DTNB: variants seen among roughly 807,000 people sequenced by gnomAD.
DTNB encodes DTN-B.
DTNB carries 63 observed loss-of-function variants against 90.7 expected under a neutral mutation model. The observed-to-expected ratio is 0.69, with a 90% CI of 0.57 to 0.86. The LOEUF (loss-of-function observed/expected upper bound fraction) is 0.86, where lower values mean the gene tolerates loss of function less well. Among genes scored for constraint, DTNB ranks in the 40% least tolerant of loss-of-function variants. The pLI, the probability that DTNB is intolerant of heterozygous loss-of-function variation, is 0.00. For missense variants in DTNB, 744 were observed against 807.1 expected (o/e 0.92, Z 0.95); for synonymous variants, 277 against 286.7 (o/e 0.97, Z 0.34).
chr2:25,667,466 C>A (rs1264374231), intron 1 of DTNB, among the ~76,000 whole-genome samples: 1 of 151,944 alleles, frequency 6.6e-6, no homozygotes, highest in African/African-American at 2.4e-5. Flanking sequence ...CTGTATTCCA[C>A]CCTAGGCGAC....
At chr2:25,579,045 T>C (rs2148174603) in intron 7 of DTNB, among the ~76,000 whole-genome samples, 1 of 152,084 alleles carries the variant, frequency 6.6e-6, no homozygotes, top group East Asian at 1.9e-4. Context: ...AAGAATGTAA[T>C]CAATAAATTA....
intron 15 of DTNB, among the ~76,000 whole-genome samples, chr2:25,426,288 G>A (rs912843602): frequency 6.6e-6 from 1 of 152,166 alleles, no homozygotes; most frequent in African/African-American, 2.4e-5. Context: ...ACTGAAAAAA[G>A]ATCTGCCTTC....
chr2:25,663,863 A>G (rs2083775527), intron 1 of DTNB, among the ~76,000 whole-genome samples: 1 of 152,210 alleles, frequency 6.6e-6, no homozygotes, highest in Non-Finnish European at 1.5e-5. Flanking sequence ...ATATCATTTC[A>G]GCCACTGTTA....
chr2:25,462,414 T>A (rs972046682), intron 10 of DTNB, among the ~76,000 whole-genome samples: 1 of 152,010 alleles, frequency 6.6e-6, no homozygotes, highest in African/African-American at 2.4e-5. Flanking sequence ...CTGGAGCCAA[T>A]GGTAACAATT....
intron 4 of DTNB, among the ~76,000 whole-genome samples, chr2:25,625,130 T>G (rs1286068629): frequency 6.6e-6 from 1 of 152,136 alleles, no homozygotes; most frequent in East Asian, 1.9e-4. Flanking sequence ...AATTTGGAGG[T>G]GAGAGAAGAT....
intron 8 of DTNB, among the ~76,000 whole-genome samples, chr2:25,534,446 C>T (rs2150946422): frequency 6.6e-6 from 1 of 152,212 alleles, no homozygotes; most frequent in African/African-American, 2.4e-5. Flanking sequence ...TTTCTTTTCC[C>T]CACATTTCCC....
intron 19 of DTNB, among the ~76,000 whole-genome samples, chr2:25,383,199 T>C (rs568719010): frequency 4.7e-5 from 7 of 149,110 alleles, no homozygotes; most frequent in African/African-American, 1.7e-4. Flanking sequence ...ATCTATTTAT[T>C]TTGCATTTTT....
rs2036124633 is a variant in DTNB, at chr2:25,377,479, T to TG, written c.*103dup. 1 of 152,710 alleles carries TG rather than the reference T, an allele frequency of 6.5e-6. No individual in the cohort carries two copies. The highest frequency in any genetic ancestry group is 1.5e-5 in the Non-Finnish European group (1 of 68,140). The allele number at this position is 152,710 out of a possible 1,614,324, so 9.5% of individuals were successfully genotyped here. On this transcript the variant is annotated 3_prime_UTR_variant, in exon 21 of 21. Coordinates refer to ENST00000406818, the MANE Select transcript of DTNB (RefSeq NM_021907.5). ...CTGGTCCAGGTGTGCGGTGGAAAGA[T>TG]GGAGAGGAATGTGCCTCTGGGGGAA...
intron 14 of DTNB, among the ~76,000 whole-genome samples, chr2:25,428,519 C>T (rs770980756): frequency 4.6e-5 from 7 of 151,794 alleles, no homozygotes; most frequent in Admixed American, 2.0e-4. Context: ...CTGCAACCTC[C>T]GCTTCCCCAG....
At chr2:25,564,547 ATT>A (rs58031038) in intron 8 of DTNB, among the ~76,000 whole-genome samples, 5 of 147,138 alleles carry the variant, frequency 3.4e-5, no homozygotes, top group South Asian at 2.2e-4. Context: ...CACCTGGCTA[ATT>A]TTTTTTTTTT....
intron 8 of DTNB, among the ~76,000 whole-genome samples, chr2:25,570,076 A>C (rs4665794): frequency 2.7e-5 from 4 of 149,066 alleles, no homozygotes; most frequent in Non-Finnish European, 4.4e-5. Context: ...CAGCCTAGGC[A>C]ACAAAGCAAG....
At chr2:25,381,440 C>T (rs763896689) in intron 19 of DTNB, among the ~76,000 whole-genome samples, 8 of 152,090 alleles carry the variant, frequency 5.3e-5, no homozygotes, top group African/African-American at 7.2e-5. Flanking sequence ...AATGCAGTGG[C>T]GTGACTATAG....
chr2:25,523,962 C>T (rs1439830571), intron 9 of DTNB, among the ~76,000 whole-genome samples: 4 of 145,964 alleles, frequency 2.7e-5, no homozygotes, highest in Admixed American at 1.4e-4. Flanking sequence ...AGTGCAATGG[C>T]GTGATCTTGG....
intron 15 of DTNB, chr2:25,421,175 A>C (rs2049553275): frequency 5.3e-5 from 8 of 152,252 alleles, no homozygotes; most frequent in Admixed American, 4.6e-4. Context: ...ACCTGGGTGC[A>C]ATGGTGAGAA....
intron 8 of DTNB, among the ~76,000 whole-genome samples, chr2:25,567,655 T>C (rs1349179987): frequency 6.6e-6 from 1 of 152,178 alleles, no homozygotes; most frequent in East Asian, 1.9e-4. Flanking sequence ...GTCAGTTACA[T>C]AACTACCCTC....
chr2:25,463,894 C>T (rs1049596360), intron 10 of DTNB, among the ~76,000 whole-genome samples: 3 of 152,166 alleles, frequency 2.0e-5, no homozygotes, highest in African/African-American at 7.2e-5. Context: ...TATACGCATA[C>T]TGATTTCTTT....
At chr2:25,580,211 T>C (rs1347132480) in intron 7 of DTNB, among the ~76,000 whole-genome samples, 1 of 151,928 alleles carries the variant, frequency 6.6e-6, no homozygotes, top group East Asian at 1.9e-4. Flanking sequence ...GAACTCCTGA[T>C]CACAAGTGAT....
chr2:25,503,825 G>A (rs1370900287), intron 9 of DTNB, among the ~76,000 whole-genome samples: 3 of 151,930 alleles, frequency 2.0e-5, no homozygotes, highest in Admixed American at 6.5e-5. Context: ...GCTGAGGCAG[G>A]AGAATGACGT....
intron 16 of DTNB, among the ~76,000 whole-genome samples, chr2:25,392,322 A>T (rs1269367789): frequency 6.6e-6 from 1 of 152,088 alleles, no homozygotes; most frequent in Non-Finnish European, 1.5e-5. Context: ...AGGCAGGAGA[A>T]TCTCTTGAAC....
Sources: allele counts gnomAD v4.1 joint callset (sites outside exome capture counted in the v4.1 genomes callset), GRCh38; gene constraint gnomAD v4.1.1; transcripts MANE v1.5; gene names NCBI Gene and HGNC (gene_info 2026-07-23, HGNC 2026-07-21).